FAT3: variants seen among roughly 807,000 people sequenced by gnomAD.
The protein encoded by FAT3 is FAT atypical cadherin 3.
FAT3 carries 95 observed loss-of-function variants against 310.2 expected under a neutral mutation model. That is an observed-to-expected ratio of 0.31 (90% CI 0.26 to 0.36). The LOEUF (loss-of-function observed/expected upper bound fraction) is 0.36. FAT3 is among the 10% of genes least tolerant of loss of function. The pLI, the probability that FAT3 is intolerant of heterozygous loss-of-function variation, is 1.00. For synonymous variants in FAT3, 2,314 were observed against 2,192.9 expected, an observed-to-expected ratio of 1.06 and a Z score of -1.54; for missense variants, 5,408 against 5,715.6, an observed-to-expected ratio of 0.95 and a Z score of 1.74.
intron 3 of FAT3, among the ~76,000 whole-genome samples, chr11:92,678,168 C>T (rs1309347795): frequency 2.0e-5 from 3 of 152,082 alleles, no homozygotes; most frequent in East Asian, 1.9e-4. Context: ...ATTAGAGTTA[C>T]ACCCTATGTA....
In FAT3 at chr11:92,893,272, T is replaced by C. The variant is rs569182324; in HGVS notation, c.*2159T>C. 22 of 152,294 alleles carry C rather than the reference T, an allele frequency of 1.4e-4. No individual in the cohort carries two copies. Among genetic ancestry groups the C allele is most frequent in the African/African-American group, 5.1e-4 (21 of 41,552 alleles). The allele number at this position is 152,294 out of a possible 1,614,324, so 9.4% of individuals were successfully genotyped here. A position where few individuals can be genotyped will look rare whatever the true frequency, so the allele number is the denominator to read the frequency against. On this transcript the variant is annotated 3_prime_UTR_variant, in exon 28 of 28. Transcript: ENST00000525166. ...TCTTGGTCAGACCTACTCATGGAGG[T>C]ATTATCCACACTGTGATCTTGAAAT...
chr11:92,334,254 T>C (rs1437024228), intron 1 of FAT3, among the ~76,000 whole-genome samples: 1 of 152,014 alleles, frequency 6.6e-6, no homozygotes, highest in Non-Finnish European at 1.5e-5. Flanking sequence ...CATGCACCTG[T>C]GGTCCCAGCT....
In FAT3 at chr11:92,790,188, G is replaced by A. The variant is rs756884228; in HGVS notation, c.4581G>A (p.Glu1527=). The A allele has an allele frequency of 6.2e-7, 1 of 1,613,626 alleles. No homozygotes were observed. Among genetic ancestry groups the A allele is most frequent in the Non-Finnish European group, 8.5e-7 (1 of 1,179,656 alleles). Residue 1527 remains glutamate, a synonymous_variant, in exon 8 of 28, where the codon GAG becomes GAA. Transcript: ENST00000525166. ...ATACTGCCGAGAGGCTGGACCATGA[G>A]GCCCAGGACAAGCACATTCTCAACA... The part of the protein sequence containing the change: ...VLYTAERLDH[E]AQDKHILNIM...
At position 92,732,238 on chromosome 11, in the gene FAT3, GTGAC is replaced by G. The variant is rs1945202695; in HGVS notation, c.3670-29614_3670-29611del. Among the ~76,000 whole-genome samples, 5 of 152,196 alleles carry G rather than the reference GTGAC, an allele frequency of 3.3e-5. No homozygotes were observed. In the South Asian group the frequency reaches 1.0e-3, roughly 32 times the overall value. ...GTACAATTTAATTATAATACAGAGA[GTGAC>G]TGAATGCTATTAGAATCTATTTATA... is the stretch of plus-strand genomic sequence containing the variant. On this transcript the variant is annotated intron_variant, in intron 4 of 27. Transcript: ENST00000525166.
At chr11:92,882,277 A>G (rs1388683459) in intron 23 of FAT3, among the ~76,000 whole-genome samples, 1 of 152,156 alleles carries the variant, frequency 6.6e-6, no homozygotes, top group African/African-American at 2.4e-5. Context: ...GCCAGCACCA[A>G]TTTCTGTGAG....
At chr11:92,560,569 T>C (rs1361536136) in intron 3 of FAT3, among the ~76,000 whole-genome samples, 1 of 152,186 alleles carries the variant, frequency 6.6e-6, no homozygotes, top group East Asian at 1.9e-4. Flanking sequence ...TTCTAAGATA[T>C]ATTTTTCTTT....
intron 3 of FAT3, among the ~76,000 whole-genome samples, chr11:92,682,977 C>A (rs772874818): frequency 1.3e-5 from 2 of 150,498 alleles, no homozygotes; most frequent in Non-Finnish European, 2.9e-5. Flanking sequence ...ACTTGGGAGG[C>A]CAAGGCAGGA....
chr11:92,441,851 C>T (rs1414138830), intron 2 of FAT3, among the ~76,000 whole-genome samples: 2 of 151,744 alleles, frequency 1.3e-5, no homozygotes, highest in East Asian at 3.9e-4. Flanking sequence ...TTACTCAGAA[C>T]CTCATCAACT....
chr11:92,462,656 G>A (rs974793220), intron 2 of FAT3, among the ~76,000 whole-genome samples: 2 of 152,076 alleles, frequency 1.3e-5, no homozygotes, highest in South Asian at 2.1e-4. Context: ...ACCATAGGAT[G>A]TTTTAGGCCT....
At chr11:92,784,755 A>G (rs1591727839) in intron 7 of FAT3, among the ~76,000 whole-genome samples, 1 of 152,304 alleles carries the variant, frequency 6.6e-6, no homozygotes, top group East Asian at 1.9e-4. Context: ...GAAGTCTTTT[A>G]CTGAGAAACA....
intron 1 of FAT3, among the ~76,000 whole-genome samples, chr11:92,277,468 T>A (rs1946303090): frequency 6.6e-6 from 1 of 152,046 alleles, no homozygotes; most frequent in African/African-American, 2.4e-5. Flanking sequence ...TAGATGCACA[T>A]CAGCGGTGGA....
intron 2 of FAT3, among the ~76,000 whole-genome samples, chr11:92,445,419 A>G (rs1450534897): frequency 6.6e-6 from 1 of 151,966 alleles, no homozygotes; most frequent in Non-Finnish European, 1.5e-5. Flanking sequence ...ACTGGTTTTC[A>G]TTGTTCTCCC....
chr11:92,664,652 T>G (rs974721726), intron 3 of FAT3, among the ~76,000 whole-genome samples: 1 of 152,116 alleles, frequency 6.6e-6, no homozygotes, highest in East Asian at 1.9e-4. Context: ...TAAAGAAAAA[T>G]AATTACCAGT....
At chr11:92,230,546 G>A (rs953405830) in intron 1 of FAT3, among the ~76,000 whole-genome samples, 1 of 152,074 alleles carries the variant, frequency 6.6e-6, no homozygotes, top group Admixed American at 6.6e-5. Flanking sequence ...CACCCACCTC[G>A]GCCTCCCAAA....
At chr11:92,232,487 G>T (rs1227948794) in intron 1 of FAT3, among the ~76,000 whole-genome samples, 1 of 152,104 alleles carries the variant, frequency 6.6e-6, no homozygotes, top group Non-Finnish European at 1.5e-5. Context: ...TTTAATTAGT[G>T]AACAAGGATT....
chr11:92,512,857 T>A (rs1565373921), intron 2 of FAT3, among the ~76,000 whole-genome samples: 1 of 103,982 alleles, frequency 9.6e-6, no homozygotes, highest in Non-Finnish European at 1.9e-5. Flanking sequence ...GCGCGGTGGC[T>A]CACGCCTGTA....
At chr11:92,851,556 A>G (rs1013162392) in intron 19 of FAT3, among the ~76,000 whole-genome samples, 16 of 152,144 alleles carry the variant, frequency 1.1e-4, no homozygotes, top group Non-Finnish European at 2.1e-4. Context: ...CACCTTCCCA[A>G]GAGAAACTGG....
chr11:92,610,348 A>G (rs1056109572), intron 3 of FAT3, among the ~76,000 whole-genome samples: 8 of 152,172 alleles, frequency 5.3e-5, no homozygotes, highest in Admixed American at 4.6e-4. Flanking sequence ...ATTCTAATAA[A>G]TTCTACACAG....
intron 2 of FAT3, among the ~76,000 whole-genome samples, chr11:92,457,202 G>A (rs1400855576): frequency 6.6e-6 from 1 of 152,188 alleles, no homozygotes; most frequent in Non-Finnish European, 1.5e-5. Flanking sequence ...GTGATTCTAT[G>A]AATTTCTGCC....
Sources: allele counts gnomAD v4.1 joint callset (sites outside exome capture counted in the v4.1 genomes callset), GRCh38; gene constraint gnomAD v4.1.1; transcripts MANE v1.5; gene names NCBI Gene and HGNC (gene_info 2026-07-23, HGNC 2026-07-21).